Variants in BRINP1 observed in about 807,000 individuals in gnomAD.
BRINP1 encodes BMP/retinoic acid-inducible neural-specific protein 1.
Under a neutral mutation model 72.9 loss-of-function variants are expected in BRINP1, and 17 were observed. The observed-to-expected ratio is 0.23, with a 90% CI of 0.16 to 0.35. BRINP1 has a LOEUF of 0.35. BRINP1 is among the 10% of genes least tolerant of loss of function. The pLI, the probability that BRINP1 is intolerant of heterozygous loss-of-function variation, is 1.00. For missense variants in BRINP1, 850 were observed against 1,001.6 expected (o/e 0.85, Z 2.04); for synonymous variants, 418 against 378.5 (o/e 1.10, Z -1.21).
At chr9:119,280,997 T>C (rs1236095611) in intron 2 of BRINP1, among the ~76,000 whole-genome samples, 1 of 151,822 alleles carries the variant, frequency 6.6e-6, no homozygotes, top group Non-Finnish European at 1.5e-5. Flanking sequence ...GCCCAGGAAA[T>C]GGAAACATTC....
intron 5 of BRINP1, among the ~76,000 whole-genome samples, chr9:119,217,696 T>G (rs1829992623): frequency 1.3e-5 from 2 of 152,294 alleles, no homozygotes; most frequent in South Asian, 4.1e-4. Context: ...TCTCACAATA[T>G]TTTTTGTAGC....
chr9:119,243,832 C>A (rs1458466969), intron 3 of BRINP1, among the ~76,000 whole-genome samples: 1 of 152,124 alleles, frequency 6.6e-6, no homozygotes, highest in Non-Finnish European at 1.5e-5. Context: ...TCTAGGGATA[C>A]AGAGTCATAG....
chr9:119,243,296 A>C (rs1830277377), intron 3 of BRINP1, among the ~76,000 whole-genome samples: 1 of 152,144 alleles, frequency 6.6e-6, no homozygotes, highest in South Asian at 2.1e-4. Flanking sequence ...AAGTGAGAAC[A>C]TGTGGTGTTT....
intron 7 of BRINP1, among the ~76,000 whole-genome samples, chr9:119,168,867 C>G (rs556827407): frequency 6.6e-6 from 1 of 152,246 alleles, no homozygotes; most frequent in Non-Finnish European, 1.5e-5. Flanking sequence ...AACAGGAACA[C>G]TTTTACACTG....
At chr9:119,215,806 C>T (rs1035608755) in intron 5 of BRINP1, among the ~76,000 whole-genome samples, 11 of 152,126 alleles carry the variant, frequency 7.2e-5, no homozygotes, top group African/African-American at 2.7e-4. Flanking sequence ...TAGTAAAAAA[C>T]CTGGGCATGG....
chr9:119,169,744 G>A (rs1171398357), intron 7 of BRINP1, among the ~76,000 whole-genome samples: 3 of 152,222 alleles, frequency 2.0e-5, no homozygotes, highest in Non-Finnish European at 2.9e-5. Flanking sequence ...TGACAGCTTT[G>A]AAGAGAGCAG....
chr9:119,355,258 C>A lies in BRINP1; in HGVS notation c.-51+13798G>T, dbSNP rs140288487. 7.4e-4 allele frequency among the ~76,000 whole-genome samples: 112 copies of A among 152,142 alleles called. No individual in the cohort carries two copies. In the East Asian group the frequency reaches 0.012, roughly 16 times the overall value. On this transcript the variant is annotated intron_variant, in intron 1 of 7. Transcript: ENST00000265922. ...ATCATGCTCTATATGATATTTTGAA[C>A]CTTATGCTTTTTAAAATTGGTAATT...
chr9:119,340,379 G>C (rs1831394350), intron 1 of BRINP1, among the ~76,000 whole-genome samples: 1 of 151,740 alleles, frequency 6.6e-6, no homozygotes, highest in African/African-American at 2.4e-5. Context: ...TCCATGAGTA[G>C]AGTCTCATTA....
chr9:119,183,139 A>G (rs1283794389), intron 7 of BRINP1, among the ~76,000 whole-genome samples: 1 of 152,230 alleles, frequency 6.6e-6, no homozygotes, highest in East Asian at 1.9e-4. Context: ...AGTTGAACAT[A>G]TGAATACAGT....
At chr9:119,338,892 A>C (rs1831379730) in intron 1 of BRINP1, among the ~76,000 whole-genome samples, 1 of 150,954 alleles carries the variant, frequency 6.6e-6, no homozygotes. Context: ...CTCAAAAAAA[A>C]CAAAAAACAA....
intron 2 of BRINP1, among the ~76,000 whole-genome samples, chr9:119,251,795 A>G (rs1400558266): frequency 2.6e-5 from 4 of 152,104 alleles, no homozygotes; most frequent in Non-Finnish European, 5.9e-5. Flanking sequence ...GCTGAGACAA[A>G]TGTTACAGGT....
At chr9:119,318,844 G>GGGGGTGTGTGTGT (rs111313745) in intron 1 of BRINP1, among the ~76,000 whole-genome samples, 7 of 142,146 alleles carry the variant, frequency 4.9e-5, no homozygotes, top group Non-Finnish European at 7.8e-5. Context: ...AAATGTGTGG[G>GGGGGTGTGTGTGT]GTGTGTGTGT....
At chr9:119,366,943 T>C (rs1047905284) in intron 1 of BRINP1, among the ~76,000 whole-genome samples, 1 of 151,870 alleles carries the variant, frequency 6.6e-6, no homozygotes, top group African/African-American at 2.4e-5. Context: ...AGAGAGAAAA[T>C]GAGGCAGTTC....
chr9:119,191,779 T>C (rs1019509171), intron 7 of BRINP1, among the ~76,000 whole-genome samples: 5 of 151,554 alleles, frequency 3.3e-5, no homozygotes, highest in Non-Finnish European at 7.4e-5. Flanking sequence ...AAACCAAAAC[T>C]CACATAGCCA....
chr9:119,297,431 T>G (rs4837628), intron 2 of BRINP1, among the ~76,000 whole-genome samples: 1 of 151,844 alleles, frequency 6.6e-6, no homozygotes, highest in Non-Finnish European at 1.5e-5. Flanking sequence ...AAATCAGAGT[T>G]GTGTGACTTC....
chr9:119,211,078 G>A (rs537414641), intron 6 of BRINP1, among the ~76,000 whole-genome samples: 2 of 152,146 alleles, frequency 1.3e-5, no homozygotes, highest in South Asian at 2.1e-4. Flanking sequence ...AGAGGGCTCC[G>A]TGGATGTCAA....
chr9:119,314,941 A>G lies in BRINP1; in HGVS notation c.-50-1536T>C, dbSNP rs535374726. ...TGAATGTCGATACTGATGTCAACTT[A>G]TTCCCTATGACAGTGTTTTTGTTCA... On this transcript the variant is annotated intron_variant, in intron 1 of 7. Coordinates refer to ENST00000265922, the MANE Select transcript of BRINP1 (RefSeq NM_014618.3). 2.6e-5 allele frequency among the ~76,000 whole-genome samples: 4 copies of G among 152,270 alleles called. No homozygotes were observed. The East Asian group carries it at 7.7e-4, about 29-fold the overall frequency.
intron 2 of BRINP1, among the ~76,000 whole-genome samples, chr9:119,300,994 G>T (rs757426096): frequency 6.6e-6 from 1 of 152,206 alleles, no homozygotes; most frequent in African/African-American, 2.4e-5. Flanking sequence ...CTTTGTGAGT[G>T]AGCATAGCTC....
At chr9:119,345,078 G>T (rs1831436960) in intron 1 of BRINP1, among the ~76,000 whole-genome samples, 2 of 152,184 alleles carry the variant, frequency 1.3e-5, no homozygotes, top group South Asian at 4.1e-4. Context: ...GGGAACAAGT[G>T]AAATCGAGAG....
Sources: gnomAD v4.1 joint callset for allele counts (sites outside exome capture counted in the v4.1 genomes callset) on GRCh38, gnomAD v4.1.1 for gene constraint, MANE v1.5 for transcripts, NCBI Gene and HGNC (gene_info 2026-07-23, HGNC 2026-07-21) for gene names.